ROCK2: variants seen among roughly 807,000 people sequenced by gnomAD.
ROCK2 encodes Rho associated coiled-coil containing protein kinase 2.
ROCK2 carries 61 observed loss-of-function variants against 195.1 expected under a neutral mutation model. That is an observed-to-expected ratio of 0.31 (90% confidence interval 0.25 to 0.39). The LOEUF (loss-of-function observed/expected upper bound fraction) is 0.39, where lower values mean the gene tolerates loss of function less well. Ranked by LOEUF, ROCK2 falls within the 10% of genes least tolerant of loss-of-function variation. The pLI is 1.00. For synonymous variants in ROCK2, 504 were observed against 545.5 expected (o/e 0.92, Z 1.06); for missense variants, 1,109 against 1,637.4 (o/e 0.68, Z 5.57).
At chr2:11,217,403 G>A (rs1482871492) in intron 11 of ROCK2, 2 of 575,446 alleles carry the variant, frequency 3.5e-6, no homozygotes, top group African/African-American at 1.9e-5. Flanking sequence ...ATGTAACCAT[G>A]CATAAGAAGC....
intron 9 of ROCK2, 113 bp from the exon 10 acceptor site, chr2:11,219,139 T>C: frequency 2.0e-6 from 1 of 493,386 alleles, no homozygotes; most frequent in South Asian, 3.5e-5. Context: ...CTCTTTTCCC[T>C]TCAACACATT....
chr2:11,303,341 C>G (rs1414096902), intron 1 of ROCK2, among the ~76,000 whole-genome samples: 1 of 152,176 alleles, frequency 6.6e-6, no homozygotes, highest in Non-Finnish European at 1.5e-5. Context: ...AATCTTGCTT[C>G]TTACCTCACT....
rs530784597 is a variant in ROCK2, at chr2:11,204,732, G to A, written c.2550-2611C>T. On this transcript the variant is annotated intron_variant, in intron 20 of 32. Coordinates refer to ENST00000315872, the MANE Select transcript of ROCK2 (RefSeq NM_004850.5). ...TCAAGAGCTCGTTCCTATTCTGGCT[G>A]TTCCTTTTACATTGTGTCTGGTTCT... Among the ~76,000 whole-genome samples, 21 of 152,282 alleles carry A rather than the reference G, an allele frequency of 1.4e-4. No individual in the cohort carries two copies. The South Asian group carries it at 4.1e-3, about 30-fold the overall frequency.
rs563256495 is a variant in ROCK2, at chr2:11,238,492, T to G, written c.463-2530A>C. Among the ~76,000 whole-genome samples the G allele has an allele frequency of 3.3e-5, 5 of 152,164 alleles. No homozygotes were observed. In the South Asian group the frequency reaches 1.0e-3, roughly 32 times the overall value. On this transcript the variant is annotated intron_variant, in intron 4 of 32. Coordinates refer to ENST00000315872, the MANE Select transcript of ROCK2 (RefSeq NM_004850.5). ...CAGAAGAGCCAAAACAATCTGGAAC[T>G]AGAACAAAGCAGGAGGACTTACATT...
At chr2:11,272,409 T>C (rs534766002) in intron 3 of ROCK2, among the ~76,000 whole-genome samples, 1 of 152,230 alleles carries the variant, frequency 6.6e-6, no homozygotes, top group African/African-American at 2.4e-5. Context: ...GGCCAATACA[T>C]ATTTTTAAAT....
intron 1 of ROCK2, among the ~76,000 whole-genome samples, chr2:11,299,754 T>A (rs1043402406): frequency 1.3e-5 from 2 of 152,228 alleles, no homozygotes; most frequent in African/African-American, 4.8e-5. Flanking sequence ...TTTGTAACTA[T>A]GCAGAACGAG....
Position 11,200,959 on chromosome 2 carries a change from A to C in ROCK2, c.2908T>G (p.Ser970Ala). ...ELTEKDATIA[S>A]LEETNRTLTS... ...AAAGCACCAAGAATTTGACTTACAG[A>C]AGCAATTGTAGCATCTTTTTCCGTA... The change falls in exon 23 of 33, where the codon TCT (serine) becomes GCT (alanine). Residue 970 changes from serine to alanine, a missense_variant and splice_region_variant. This residue lies in a region of ROCK2 where 542 missense variants were observed against 672.0 expected (regional missense o/e 0.81). Transcript: ENST00000315872. 2 of 1,588,350 alleles carry C rather than the reference A, an allele frequency of 1.3e-6. No homozygotes were observed. The highest frequency in any genetic ancestry group is 1.7e-6 in the Non-Finnish European group (2 of 1,170,442).
chr2:11,296,005 GGAGA>G (rs70953384), intron 1 of ROCK2, among the ~76,000 whole-genome samples: 293 of 10,318 alleles, frequency 0.028, 4 homozygotes, highest in African/African-American at 0.044. Flanking sequence ...GAGAGAGAGA[GGAGA>G]GAGAGAGAGA....
chr2:11,223,415 A>G (rs1664703134), intron 7 of ROCK2, among the ~76,000 whole-genome samples: 1 of 152,168 alleles, frequency 6.6e-6, no homozygotes. Flanking sequence ...GTATCCCAGA[A>G]TTCCACCTTT....
chr2:11,329,168 C>G (rs1313902262), intron 1 of ROCK2, among the ~76,000 whole-genome samples: 3 of 151,710 alleles, frequency 2.0e-5, no homozygotes, highest in South Asian at 4.2e-4. Context: ...TCTTCACTAC[C>G]TTGGTGGGGA....
rs1419492371 is a variant in ROCK2, at chr2:11,221,260, A to C, written c.1197T>G (p.Ile399Met). The C allele has an allele frequency of 2.5e-6, 4 of 1,590,732 alleles. No homozygotes were observed. The highest frequency in any genetic ancestry group is 3.4e-6 in the Non-Finnish European group (4 of 1,170,898). Residue 399 changes from isoleucine (I) to methionine (M), a missense_variant, in exon 9 of 33, where the codon ATT (isoleucine) becomes ATG (methionine). Ile to Met is a conservative substitution (Grantham distance 10). Transcript: ENST00000315872. ...GCTGATTTCCAACAAAAGCTTTAGGAATTGGGAAGGTTTCTACATCTCCTT... is the reference window on the plus strand; with the variant it reads ...GCTGATTTCCAACAAAAGCTTTAGGCATTGGGAAGGTTTCTACATCTCCTT... ...DDKGDVETFP[I>M]PKAFVGNQLP...
chr2:11,242,477 G>GGAC (rs934779310), intron 4 of ROCK2, among the ~76,000 whole-genome samples: 4 of 152,068 alleles, frequency 2.6e-5, no homozygotes, highest in African/African-American at 9.7e-5. Flanking sequence ...GAGAGAGGAG[G>GGAC]GACGGGATTC....
At chr2:11,278,419 A>G (rs564888087) in intron 3 of ROCK2, among the ~76,000 whole-genome samples, 1 of 152,254 alleles carries the variant, frequency 6.6e-6, no homozygotes, top group Non-Finnish European at 1.5e-5. Flanking sequence ...AAGGCTAAAT[A>G]GTATTCCATT....
chr2:11,331,708 C>T (rs1022077201), intron 1 of ROCK2, among the ~76,000 whole-genome samples: 2 of 152,076 alleles, frequency 1.3e-5, no homozygotes, highest in Admixed American at 1.3e-4. Flanking sequence ...GGGTGGATCA[C>T]GAGGTCAGGA....
chr2:11,215,920 A>G (rs1355558067), intron 13 of ROCK2, among the ~76,000 whole-genome samples: 2 of 152,214 alleles, frequency 1.3e-5, no homozygotes, highest in African/African-American at 4.8e-5. Context: ...AATGTTATGA[A>G]TAGCATTTTT....
At position 11,201,325 on chromosome 2, in the gene ROCK2, T is replaced by C; in HGVS notation, c.2708A>G (p.Glu903Gly). Residue 903 changes from glutamate to glycine, a missense_variant, in exon 22 of 33, where the codon GAA (glutamate) becomes GGA (glycine). Coordinates refer to ENST00000315872, the MANE Select transcript of ROCK2 (RefSeq NM_004850.5). The surrounding 1 kb of genome is among the most constrained non-coding windows in gnomAD (Gnocchi z 4.6). ...TCATACTTACCGTTCATCCTGTAAT[T>C]CCTGTTTCTTCTGCTGCAATTCTTT... ...LGKELQQKKQELQDERDSLAA... is the reference protein window; with the variant it reads ...LGKELQQKKQGLQDERDSLAA... 1 of 1,609,800 alleles carries C rather than the reference T, an allele frequency of 6.2e-7. No homozygotes were observed. The highest frequency in any genetic ancestry group is 8.5e-7 in the Non-Finnish European group (1 of 1,176,408).
chr2:11,282,779 T>C (rs994195363), intron 3 of ROCK2, among the ~76,000 whole-genome samples: 3 of 152,062 alleles, frequency 2.0e-5, no homozygotes, highest in Admixed American at 6.6e-5. Flanking sequence ...AATTGTCTAC[T>C]ACTCAAAGAC....
chr2:11,271,601 T>C (rs182064713), intron 3 of ROCK2, among the ~76,000 whole-genome samples: 2 of 152,328 alleles, frequency 1.3e-5, no homozygotes, highest in Non-Finnish European at 2.9e-5. Context: ...TTAGGATGGA[T>C]GGTGATTTCC....
intron 1 of ROCK2, among the ~76,000 whole-genome samples, chr2:11,303,345 CCTCA>C (rs544753010): frequency 3.9e-5 from 6 of 152,194 alleles, no homozygotes; most frequent in Non-Finnish European, 7.4e-5. Flanking sequence ...TTGCTTCTTA[CCTCA>C]CTGAGAACTT....
Sources: allele counts gnomAD v4.1 joint callset (sites outside exome capture counted in the v4.1 genomes callset), GRCh38; gene constraint gnomAD v4.1.1; regional missense constraint gnomAD v4.1.1; non-coding constraint Gnocchi (gnomAD v3.1); transcripts MANE v1.5; gene names NCBI Gene and HGNC (gene_info 2026-07-23, HGNC 2026-07-21).